The following TNS1 variants were observed in gnomAD, a reference collection of about 807,000 sequenced individuals.
TNS1 encodes the protein tensin-1.
Under a neutral mutation model 168.6 loss-of-function variants are expected in TNS1, and 62 were observed. That is an observed-to-expected ratio of 0.37 (90% CI 0.30 to 0.45). The LOEUF (loss-of-function observed/expected upper bound fraction) is 0.45. Among genes scored for constraint, TNS1 ranks in the 20% least tolerant of loss-of-function variants. TNS1 has a pLI of 1.00. For synonymous variants in TNS1, 934 were observed against 933.2 expected (o/e 1.00, Z -0.02); for missense variants, 2,240 against 2,339.4 (o/e 0.96, Z 0.88).
intron 3 of TNS1, among the ~76,000 whole-genome samples, chr2:217,940,652 G>A (rs1427319948): frequency 6.6e-6 from 1 of 152,202 alleles, no homozygotes; most frequent in Non-Finnish European, 1.5e-5. Context: ...AAGACTGTGA[G>A]GGGGCTCCCC....
chr2:217,830,219 G>A (rs1410051147), intron 22 of TNS1: 6 of 1,066,212 alleles, frequency 5.6e-6, no homozygotes, highest in Non-Finnish European at 8.1e-6. Context: ...TCAAGCAGGA[G>A]TGTGCTGGCT....
intron 1 of TNS1, among the ~76,000 whole-genome samples, chr2:217,993,297 C>T (rs574786040): frequency 9.2e-5 from 14 of 152,314 alleles, no homozygotes; most frequent in Admixed American, 5.2e-4. Context: ...AAGATACTTA[C>T]GTCATCTCCA....
At chr2:217,902,845 GA>G (rs1419127482) in intron 6 of TNS1, among the ~76,000 whole-genome samples, 2 of 152,234 alleles carry the variant, frequency 1.3e-5, no homozygotes, top group Non-Finnish European at 2.9e-5. Context: ...CCCTCTCACT[GA>G]CGGGGCTTCC....
At chr2:217,836,288 G>T in intron 19 of TNS1, 77 bp from the exon 20 acceptor site, 1 of 1,403,986 alleles carries the variant, frequency 7.1e-7, no homozygotes, top group Non-Finnish European at 9.6e-7. Context: ...TCCCATCAGA[G>T]AAGGCAGTGC....
In TNS1 at chr2:217,885,123, G is replaced by A. The variant is rs371594517; in HGVS notation, c.1158C>T (p.Asp386=). 1.1e-4 allele frequency: 172 copies of A among 1,614,126 alleles called. No individual in the cohort carries two copies. The highest frequency in any genetic ancestry group is 1.2e-4 in the South Asian group (11 of 91,094). Reference sequence around the variant, plus strand: ...TGTGGAACTGCACACGGAAGATGACGTCTCGGGCTGGGCTTCGGAACTTCT... The same window carrying A: ...TGTGGAACTGCACACGGAAGATGACATCTCGGGCTGGGCTTCGGAACTTCT... The part of the protein sequence containing the change: ...YHKKFRSPAR[D]VIFRVQFHTC... The change falls in exon 16 of 33, where the codon GAC becomes GAT. Residue 386 remains aspartate, a synonymous_variant. Transcript: ENST00000682258.
At chr2:217,888,408 G>A (rs772744297) in intron 12 of TNS1, among the ~76,000 whole-genome samples, 1 of 152,128 alleles carries the variant, frequency 6.6e-6, no homozygotes. Flanking sequence ...GCTCAGAGAG[G>A]TGACCCATCC....
intron 18 of TNS1, among the ~76,000 whole-genome samples, chr2:217,861,235 C>T (rs1308067685): frequency 3.3e-5 from 5 of 152,156 alleles, no homozygotes; most frequent in African/African-American, 1.2e-4. Flanking sequence ...CCTTACAGTG[C>T]CCGATGGAGT....
intron 24 of TNS1, among the ~76,000 whole-genome samples, chr2:217,816,213 C>T (rs74438278): frequency 4.2e-4 from 64 of 152,208 alleles, no homozygotes; most frequent in Non-Finnish European, 6.8e-4. Context: ...TCAGGATGTG[C>T]GGCCCTCACT....
rs933684081 is a variant in TNS1 at position 217,948,987 on chromosome 2, C to T, written c.187-28751G>A. Among the ~76,000 whole-genome samples the T allele has an allele frequency of 5.9e-5, 9 of 152,118 alleles. No homozygotes were observed. Among genetic ancestry groups the T allele is most frequent in the Admixed American group, 3.9e-4 (6 of 15,278 alleles). On this transcript the variant is annotated intron_variant, in intron 3 of 32. Coordinates refer to ENST00000682258, the MANE Select transcript of TNS1 (RefSeq NM_001387777.1). The surrounding 1 kb of genome is among the most constrained non-coding windows in gnomAD (Gnocchi z 4.1). ...CAGAGGATGGAAAGGGAAGGAGAGT[C>T]GGGGGAAAATGGCCCACCAACAGCT...
intron 3 of TNS1, among the ~76,000 whole-genome samples, chr2:217,956,734 A>C (rs1957372941): frequency 6.6e-6 from 1 of 152,180 alleles, no homozygotes; most frequent in African/African-American, 2.4e-5. Context: ...GAGCTGTCCC[A>C]GGCACTTCTC....
chr2:217,956,115 T>C (rs569658650), intron 3 of TNS1, among the ~76,000 whole-genome samples: 1 of 152,076 alleles, frequency 6.6e-6, no homozygotes, highest in South Asian at 2.1e-4. Flanking sequence ...CACCCAGGGG[T>C]CAAGAGGATG....
chr2:217,944,400 C>G (rs1417325387), intron 3 of TNS1, among the ~76,000 whole-genome samples: 5 of 152,154 alleles, frequency 3.3e-5, no homozygotes, highest in Non-Finnish European at 7.4e-5. Context: ...GGTCAAGACT[C>G]TATAGAAAAG....
At chr2:217,942,457 C>A (rs1257348956) in intron 3 of TNS1, among the ~76,000 whole-genome samples, 1 of 152,228 alleles carries the variant, frequency 6.6e-6, no homozygotes, top group Non-Finnish European at 1.5e-5. Flanking sequence ...CCTTCCACAA[C>A]CCTGGGCCAG....
Position 217,815,994 on chromosome 2 carries a change from C to A in TNS1, c.4643-996G>T, listed in dbSNP as rs563831662. Among the ~76,000 whole-genome samples, 167 of 152,296 alleles carry A rather than the reference C, an allele frequency of 1.1e-3. 1 individual carries two copies. The highest frequency in any genetic ancestry group is 3.9e-3 in the African/African-American group (163 of 41,552). On this transcript the variant is annotated intron_variant, in intron 24 of 32. Coordinates refer to ENST00000682258, the MANE Select transcript of TNS1 (RefSeq NM_001387777.1). ...GACAGCACCCCCACACACACCCATG[C>A]CCAGACTCTGCAGACCTTGGGAATT...
In TNS1 at chr2:217,947,397, G is replaced by A. The variant is rs182457201; in HGVS notation, c.187-27161C>T. Reference sequence around the variant, plus strand: ...AGGAGATGGCAGTGCCTGGCATCGAGCAGGCGCCCAGTGGATGCCTGTGAG... The same window carrying A: ...AGGAGATGGCAGTGCCTGGCATCGAACAGGCGCCCAGTGGATGCCTGTGAG... On this transcript the variant is annotated intron_variant, in intron 3 of 32. Coordinates refer to ENST00000682258, the MANE Select transcript of TNS1 (RefSeq NM_001387777.1). Among the ~76,000 whole-genome samples the A allele has an allele frequency of 4.0e-3, 611 of 152,212 alleles. 13 individuals carry two copies. The highest frequency in any genetic ancestry group is 2.1e-3 in the Non-Finnish European group (146 of 68,018).
upstream of TNS1, among the ~76,000 whole-genome samples, chr2:218,007,029 C>G (rs1376150815): frequency 6.6e-6 from 1 of 152,078 alleles, no homozygotes; most frequent in Admixed American, 6.5e-5. Context: ...TTCCCTAAAC[C>G]CTGCAGCCTG....
chr2:217,817,592 T>G (rs1455006082), intron 24 of TNS1, 98 bp downstream of exon 24: 2 of 1,093,538 alleles, frequency 1.8e-6, no homozygotes, highest in Non-Finnish European at 2.6e-6. Flanking sequence ...CAGGGTCGTC[T>G]GCCAAGAGAA....
chr2:217,933,452 G>A (rs868138516), intron 3 of TNS1, among the ~76,000 whole-genome samples: 11 of 152,242 alleles, frequency 7.2e-5, no homozygotes, highest in Middle Eastern at 3.4e-3. Context: ...ACCCCCTGGT[G>A]CTTGGGCCCC....
intron 3 of TNS1, among the ~76,000 whole-genome samples, chr2:217,970,176 G>A (rs1286768302): frequency 6.6e-6 from 1 of 152,200 alleles, no homozygotes; most frequent in African/African-American, 2.4e-5. Flanking sequence ...GCCCCTGCAG[G>A]TTTCAGAGGG....
Sources: allele counts gnomAD v4.1 joint callset (sites outside exome capture counted in the v4.1 genomes callset), GRCh38; gene constraint gnomAD v4.1.1; non-coding constraint Gnocchi (gnomAD v3.1); transcripts MANE v1.5; gene names NCBI Gene and HGNC (gene_info 2026-07-23, HGNC 2026-07-21).